The following SPIDR variants were observed in gnomAD, a reference collection of about 807,000 sequenced individuals.
The protein encoded by SPIDR is scaffold protein involved in DNA repair.
A neutral mutation model predicts 104.6 loss-of-function variants in SPIDR; 93 were observed. That is an observed-to-expected ratio of 0.89 (90% CI 0.75 to 1.06). SPIDR has a LOEUF of 1.06. SPIDR is among the 50% of genes least tolerant of loss of function. The pLI, the probability that SPIDR is intolerant of heterozygous loss-of-function variation, is 0.00. For synonymous variants in SPIDR, 431 were observed against 416.9 expected, an observed-to-expected ratio of 1.03 and a Z score of -0.41; for missense variants, 1,154 against 1,111.2, an observed-to-expected ratio of 1.04 and a Z score of -0.55.
intron 8 of SPIDR, among the ~76,000 whole-genome samples, chr8:47,579,499 T>TTATTTTA (rs1460735306): frequency 2.0e-5 from 3 of 152,208 alleles, no homozygotes; most frequent in African/African-American, 7.2e-5. Context: ...CATTTTAAAA[T>TTATTTTA]TATTTTATTT....
intron 3 of SPIDR, among the ~76,000 whole-genome samples, chr8:47,287,251 G>A (rs1476758237): frequency 2.0e-5 from 3 of 151,244 alleles, no homozygotes; most frequent in Non-Finnish European, 4.4e-5. Flanking sequence ...CAAGGCAAAG[G>A]GCAAAGCAAA....
intron 10 of SPIDR, among the ~76,000 whole-genome samples, chr8:47,606,316 G>A (rs555541528): frequency 4.0e-5 from 6 of 151,556 alleles, no homozygotes; most frequent in Non-Finnish European, 8.8e-5. Flanking sequence ...TCAAGAGATC[G>A]AGACCATCCT....
intron 11 of SPIDR, among the ~76,000 whole-genome samples, chr8:47,692,090 A>C (rs1313258386): frequency 6.6e-6 from 1 of 152,226 alleles, no homozygotes; most frequent in African/African-American, 2.4e-5. Flanking sequence ...CAATGGAAGT[A>C]TTTCAGGTCA....
At chr8:47,600,876 G>A (rs1332959751) in intron 10 of SPIDR, among the ~76,000 whole-genome samples, 1 of 152,160 alleles carries the variant, frequency 6.6e-6, no homozygotes, top group Non-Finnish European at 1.5e-5. Flanking sequence ...AGACAGTGGG[G>A]AACTGAATCA....
chr8:47,306,729 C>A (rs1206778710), intron 5 of SPIDR, among the ~76,000 whole-genome samples: 1 of 152,138 alleles, frequency 6.6e-6, no homozygotes, highest in African/African-American at 2.4e-5. Flanking sequence ...AGGTCTGTTT[C>A]TCCCTTCAGT....
At chr8:47,552,482 T>G (rs1353123951) in intron 8 of SPIDR, among the ~76,000 whole-genome samples, 1 of 152,240 alleles carries the variant, frequency 6.6e-6, no homozygotes, top group African/African-American at 2.4e-5. Flanking sequence ...ATATTTAAGA[T>G]AGTTAGCTCT....
intron 5 of SPIDR, among the ~76,000 whole-genome samples, chr8:47,355,421 A>G (rs535974162): frequency 7.5e-4 from 114 of 151,318 alleles, no homozygotes; most frequent in Non-Finnish European, 9.6e-4. Context: ...TAGAATGCCT[A>G]GCCTACAGTT....
At chr8:47,490,386 T>C (rs1207021748) in intron 8 of SPIDR, among the ~76,000 whole-genome samples, 1 of 152,182 alleles carries the variant, frequency 6.6e-6, no homozygotes, top group Non-Finnish European at 1.5e-5. Context: ...AGGAACACTT[T>C]TACAGTGTTG....
At chr8:47,580,505 A>C (rs1308530661) in intron 8 of SPIDR, among the ~76,000 whole-genome samples, 2 of 152,190 alleles carry the variant, frequency 1.3e-5, no homozygotes, top group Non-Finnish European at 2.9e-5. Context: ...AAATTTGTCC[A>C]CAGCCACACA....
intron 8 of SPIDR, among the ~76,000 whole-genome samples, chr8:47,566,949 T>C (rs2057928090): frequency 6.6e-6 from 1 of 152,228 alleles, no homozygotes; most frequent in South Asian, 2.1e-4. Flanking sequence ...CAAGGTTTTA[T>C]TTATCATTCA....
At chr8:47,267,407 CTGTA>C (rs2154211834) in intron 1 of SPIDR, among the ~76,000 whole-genome samples, 1 of 152,320 alleles carries the variant, frequency 6.6e-6, no homozygotes, top group Admixed American at 6.5e-5. Flanking sequence ...CACATAATAA[CTGTA>C]TGTTTACATT....
chr8:47,415,115 G>A (rs1168971422), intron 7 of SPIDR, among the ~76,000 whole-genome samples: 2 of 152,146 alleles, frequency 1.3e-5, no homozygotes, highest in Non-Finnish European at 2.9e-5. Flanking sequence ...GTGTTAGCCA[G>A]GATGGTCTTG....
intron 8 of SPIDR, among the ~76,000 whole-genome samples, chr8:47,567,082 A>T (rs1410919187): frequency 6.6e-6 from 1 of 152,210 alleles, no homozygotes; most frequent in East Asian, 1.9e-4. Flanking sequence ...ATGCAAGTAC[A>T]TAAGTAATCA....
At chr8:47,544,491 C>G (rs1232353629) in intron 8 of SPIDR, among the ~76,000 whole-genome samples, 2 of 152,132 alleles carry the variant, frequency 1.3e-5, no homozygotes, top group Non-Finnish European at 2.9e-5. Context: ...GTATTTAACT[C>G]TATGATCTAT....
intron 5 of SPIDR, among the ~76,000 whole-genome samples, chr8:47,320,907 CT>C (rs1563605104): frequency 1.3e-5 from 2 of 152,144 alleles, no homozygotes; most frequent in African/African-American, 4.8e-5. Context: ...ACCCTTCATG[CT>C]AAAAACTCTC....
At chr8:47,349,296 A>G (rs2052906888) in intron 5 of SPIDR, among the ~76,000 whole-genome samples, 1 of 152,182 alleles carries the variant, frequency 6.6e-6, no homozygotes, top group Non-Finnish European at 1.5e-5. Context: ...AACAGCAAAT[A>G]TTGCAGAACA....
At chr8:47,392,846 C>T (rs189080577) in intron 5 of SPIDR, among the ~76,000 whole-genome samples, 116 of 152,272 alleles carry the variant, frequency 7.6e-4, no homozygotes, top group Middle Eastern at 3.4e-3. Flanking sequence ...TTTTATCTTC[C>T]GTTTATTCTT....
intron 5 of SPIDR, among the ~76,000 whole-genome samples, chr8:47,383,875 C>T (rs1554646813): frequency 1.3e-5 from 2 of 152,082 alleles, no homozygotes. Context: ...TTGCTTTTAT[C>T]TTTTTGACTC....
chr8:47,352,123 A>G (rs1771323988), intron 5 of SPIDR, among the ~76,000 whole-genome samples: 1 of 152,048 alleles, frequency 6.6e-6, no homozygotes, highest in Admixed American at 6.5e-5. Flanking sequence ...CTAAAAATAC[A>G]AAAATTATCC....
Sources: allele counts gnomAD v4.1 joint callset (sites outside exome capture counted in the v4.1 genomes callset), GRCh38; gene constraint gnomAD v4.1.1; transcripts MANE v1.5; gene names NCBI Gene and HGNC (gene_info 2026-07-23, HGNC 2026-07-21).